The following FAM13A variants were observed in gnomAD, a reference collection of about 807,000 sequenced individuals.
The protein encoded by FAM13A is family with sequence similarity 13 member A, also known as protein FAM13A.
Under a neutral mutation model 129.6 loss-of-function variants are expected in FAM13A, and 76 were observed. That is an observed-to-expected ratio of 0.59 (90% confidence interval 0.49 to 0.71). FAM13A has a LOEUF of 0.71. Among genes scored for constraint, FAM13A ranks in the 30% least tolerant of loss-of-function variants. The probability of loss-of-function intolerance (pLI) is 0.00; values close to 1 mark genes in which losing one functional copy is unlikely to be tolerated. For missense variants in FAM13A, 1,108 were observed against 1,249.3 expected, an observed-to-expected ratio of 0.89 and a Z score of 1.70; for synonymous variants, 443 against 449.9, an observed-to-expected ratio of 0.98 and a Z score of 0.20.
chr4:89,034,181 A>G (rs1769066477), intron 1 of FAM13A, among the ~76,000 whole-genome samples: 3 of 152,352 alleles, frequency 2.0e-5, no homozygotes, highest in Middle Eastern at 3.4e-3. Context: ...CAAACTATGC[A>G]TCCAAGAAAG....
intron 14 of FAM13A, among the ~76,000 whole-genome samples, chr4:88,758,443 T>C (rs1050616227): frequency 6.6e-6 from 1 of 151,352 alleles, no homozygotes; most frequent in Non-Finnish European, 1.5e-5. Context: ...CTCTGCTTGG[T>C]ACTATGAGGG....
At chr4:88,999,631 A>C (rs1456270319) in intron 3 of FAM13A, among the ~76,000 whole-genome samples, 2 of 152,180 alleles carry the variant, frequency 1.3e-5, no homozygotes, top group Non-Finnish European at 2.9e-5. Context: ...CTCAGCTATA[A>C]GTGGCCTGTA....
intron 8 of FAM13A, among the ~76,000 whole-genome samples, chr4:88,803,853 T>C (rs1190676873): frequency 1.3e-5 from 2 of 152,244 alleles, no homozygotes; most frequent in East Asian, 1.9e-4. Flanking sequence ...GAAGTACTAG[T>C]GGTTGAATTA....
chr4:88,954,359 T>C (rs1579472028), intron 4 of FAM13A, among the ~76,000 whole-genome samples: 1 of 152,370 alleles, frequency 6.6e-6, no homozygotes, highest in South Asian at 2.1e-4. Context: ...TACTTTTCTC[T>C]GCAGTAAACT....
intron 6 of FAM13A, among the ~76,000 whole-genome samples, chr4:88,905,963 A>G (rs1748076106): frequency 6.6e-6 from 1 of 152,216 alleles, no homozygotes; most frequent in Non-Finnish European, 1.5e-5. Flanking sequence ...AAGGAAATGC[A>G]ATCAACAGAA....
intron 4 of FAM13A, among the ~76,000 whole-genome samples, chr4:88,973,481 G>T (rs1760431656): frequency 6.6e-6 from 1 of 152,058 alleles, no homozygotes; most frequent in Non-Finnish European, 1.5e-5. Context: ...CAGTAATTTT[G>T]ATTTCTAGCA....
At chr4:88,918,913 C>T (rs540784349) in intron 5 of FAM13A, among the ~76,000 whole-genome samples, 1 of 152,316 alleles carries the variant, frequency 6.6e-6, no homozygotes, top group South Asian at 2.1e-4. Flanking sequence ...TTTTCATCCT[C>T]CTCTTTCTCT....
In FAM13A at chr4:88,907,071, T is replaced by C. The variant is rs1159227071; in HGVS notation, c.760-609A>G. Reference sequence around the variant, plus strand: ...AAATTACAAGGAGGCAGCTGAGGCATAACTGTATAGATTTATTATTTATTC... The same window carrying C: ...AAATTACAAGGAGGCAGCTGAGGCACAACTGTATAGATTTATTATTTATTC... On this transcript the variant is annotated intron_variant, in intron 5 of 23. Transcript: ENST00000264344. Among the ~76,000 whole-genome samples, 5 of 152,260 alleles carry C rather than the reference T, an allele frequency of 3.3e-5. No homozygotes were observed. In the East Asian group the frequency reaches 9.6e-4, roughly 29 times the overall value.
intron 13 of FAM13A, among the ~76,000 whole-genome samples, chr4:88,765,291 T>C (rs1418916753): frequency 1.3e-5 from 2 of 152,162 alleles, no homozygotes; most frequent in Non-Finnish European, 1.5e-5. Context: ...GAATTTTAAA[T>C]GAAAATATCA....
At chr4:88,952,091 G>A (rs1451630937) in intron 4 of FAM13A, among the ~76,000 whole-genome samples, 1 of 152,068 alleles carries the variant, frequency 6.6e-6, no homozygotes, top group Middle Eastern at 3.2e-3. Context: ...CTTATCATTT[G>A]TATTAGAATA....
intron 7 of FAM13A, among the ~76,000 whole-genome samples, chr4:88,808,261 C>T (rs1352091963): frequency 2.0e-5 from 3 of 151,986 alleles, no homozygotes; most frequent in Non-Finnish European, 4.4e-5. Context: ...GCATTGACTT[C>T]GAAGGTAATT....
chr4:88,736,457 A>G (rs1739004665), intron 21 of FAM13A: 1 of 152,210 alleles, frequency 6.6e-6, no homozygotes. Context: ...CAGCACGTAA[A>G]TGATCGCCCC....
chr4:88,731,363 C>T lies in FAM13A; in HGVS notation c.2909G>A (p.Arg970Gln), dbSNP rs369933365. Residue 970 changes from arginine to glutamine, a missense_variant, in exon 23 of 24, where the codon CGG (arginine) becomes CAG (glutamine). Arg to Gln is a conservative substitution (Grantham distance 43). Transcript: ENST00000264344. Reference sequence around the variant, plus strand: ...TCTGAAAAAGTTGTCTTCAAAATCCCGAAGTTTCTTTCGAATCCTTTTCTT... The same window carrying T: ...TCTGAAAAAGTTGTCTTCAAAATCCTGAAGTTTCTTTCGAATCCTTTTCTT... ...EEKKRIRKKL[R>Q]DFEDNFFRQN... The T allele has an allele frequency of 1.8e-5, 29 of 1,608,914 alleles. No individual in the cohort carries two copies. The South Asian group carries it at 1.9e-4, about 10-fold the overall frequency.
chr4:88,896,679 C>G (rs1746393119), intron 6 of FAM13A, among the ~76,000 whole-genome samples: 2 of 152,188 alleles, frequency 1.3e-5, no homozygotes, highest in Non-Finnish European at 2.9e-5. Context: ...ACAATTGCTT[C>G]TACTCCATAA....
intron 11 of FAM13A, among the ~76,000 whole-genome samples, chr4:88,772,033 T>A (rs537666504): frequency 6.6e-6 from 1 of 152,334 alleles, no homozygotes; most frequent in Non-Finnish European, 1.5e-5. Context: ...GACCACTGAC[T>A]GAAGCACTTA....
intron 21 of FAM13A, among the ~76,000 whole-genome samples, chr4:88,733,098 A>T (rs889014814): frequency 6.6e-6 from 1 of 152,236 alleles, no homozygotes; most frequent in Non-Finnish European, 1.5e-5. Context: ...TGGTATGCAT[A>T]GCACCAATTA....
chr4:89,037,865 C>T lies in FAM13A; in HGVS notation c.28-8216G>A, dbSNP rs187519398. On this transcript the variant is annotated intron_variant, in intron 1 of 23. Transcript: ENST00000264344. Reference sequence around the variant, plus strand: ...ATGTAAGATGAACCTGCTTCCCCTTCGCCTACCACTATGGTTGTAAGTTTC... The same window carrying T: ...ATGTAAGATGAACCTGCTTCCCCTTTGCCTACCACTATGGTTGTAAGTTTC... Among the ~76,000 whole-genome samples the T allele has an allele frequency of 7.9e-4, 121 of 152,316 alleles. 1 individual carries two copies. The highest frequency in any genetic ancestry group is 3.6e-3 in the Admixed American group (55 of 15,302).
At chr4:88,890,580 T>C (rs1745154385) in intron 6 of FAM13A, among the ~76,000 whole-genome samples, 1 of 152,148 alleles carries the variant, frequency 6.6e-6, no homozygotes, top group Non-Finnish European at 1.5e-5. Flanking sequence ...AAAATATATG[T>C]CTATGGAGGA....
At chr4:88,796,232 ATTC>A in intron 8 of FAM13A, among the ~76,000 whole-genome samples, 1 of 151,848 alleles carries the variant, frequency 6.6e-6, no homozygotes, top group South Asian at 2.1e-4. Context: ...TGCACTTGAG[ATTC>A]TTATTTACTC....
Sources: allele counts gnomAD v4.1 joint callset (sites outside exome capture counted in the v4.1 genomes callset), GRCh38; gene constraint gnomAD v4.1.1; transcripts MANE v1.5; gene names NCBI Gene and HGNC (gene_info 2026-07-23, HGNC 2026-07-21).